COL4A1: variants seen among roughly 807,000 people sequenced by gnomAD.
The protein encoded by COL4A1 is collagen type IV alpha 1 chain, also known as collagen alpha-1(IV) chain.
COL4A1 carries 40 observed loss-of-function variants against 216.6 expected under a neutral mutation model. That is an observed-to-expected ratio of 0.18 (90% CI 0.14 to 0.24). The LOEUF (loss-of-function observed/expected upper bound fraction) is 0.24, where lower values mean the gene tolerates loss of function less well. Ranked by LOEUF, COL4A1 falls within the 10% of genes least tolerant of loss-of-function variation. The pLI is 1.00. For missense variants in COL4A1, 1,628 were observed against 2,196.8 expected, an observed-to-expected ratio of 0.74 and a Z score of 5.18; for synonymous variants, 839 against 810.7, an observed-to-expected ratio of 1.03 and a Z score of -0.59.
In COL4A1 at chr13:110,176,788, C is replaced by T. The variant is rs566376897; in HGVS notation, c.2870-64G>A. 3.4e-5 allele frequency: 55 copies of T among 1,613,830 alleles called. No individual in the cohort carries two copies. The African/African-American group carries it at 4.9e-4, about 14-fold the overall frequency. On this transcript the variant is annotated intron_variant, in intron 34 of 51. Transcript: ENST00000375820. ...GCTTGCAAGCAAGTTGCTGCAGAAA[C>T]GCAGGTTGGTTTGGTTATTATTTAT...
At chr13:110,266,816 G>A (rs1165227093) in intron 1 of COL4A1, among the ~76,000 whole-genome samples, 3 of 152,196 alleles carry the variant, frequency 2.0e-5, no homozygotes, top group Non-Finnish European at 4.4e-5. Context: ...ATATGGAGAG[G>A]CAGTAAAACC....
intron 1 of COL4A1, among the ~76,000 whole-genome samples, chr13:110,281,510 G>T (rs1351430776): frequency 6.6e-6 from 1 of 151,914 alleles, no homozygotes; most frequent in Non-Finnish European, 1.5e-5. Flanking sequence ...GTTACCTGCT[G>T]CAATATAGAG....
intron 2 of COL4A1, among the ~76,000 whole-genome samples, chr13:110,242,297 G>T (rs76166940): frequency 0.036 from 5,489 of 152,288 alleles, 150 homozygotes; most frequent in African/African-American, 0.071. Flanking sequence ...CTAATTTGAA[G>T]AGAAGGTCCT....
intron 1 of COL4A1, among the ~76,000 whole-genome samples, chr13:110,291,956 C>T (rs1884106659): frequency 6.6e-6 from 1 of 152,162 alleles, no homozygotes; most frequent in South Asian, 2.1e-4. Flanking sequence ...GAGAAAGAAA[C>T]CAAAATGCAG....
At chr13:110,224,468 G>A (rs377190502) in intron 2 of COL4A1, among the ~76,000 whole-genome samples, 5 of 152,204 alleles carry the variant, frequency 3.3e-5, no homozygotes, top group Admixed American at 6.5e-5. Context: ...GATTACAGAC[G>A]TGCACCATCA....
rs761138416 is a variant in COL4A1 at position 110,192,298 on chromosome 13, G to A, written c.1466-14C>T. 6.2e-7 allele frequency: 1 copy of A among 1,613,504 alleles called. No homozygotes were observed. The highest frequency in any genetic ancestry group is 8.5e-7 in the Non-Finnish European group (1 of 1,179,442). On this transcript the variant is annotated splice_polypyrimidine_tract_variant and intron_variant, in intron 23 of 51. Coordinates refer to ENST00000375820, the MANE Select transcript of COL4A1 (RefSeq NM_001845.6). Reference sequence around the variant, plus strand: ...GCCCTGGGAAACCTTTCGTGAGAGAGAGGGAAAAAGACAGCAACACAGCAT... The same window carrying A: ...GCCCTGGGAAACCTTTCGTGAGAGAAAGGGAAAAAGACAGCAACACAGCAT...
chr13:110,212,772 G>GCA lies in COL4A1; in HGVS notation c.280-156_280-155dup, dbSNP rs113274692. 0.046 allele frequency among the ~76,000 whole-genome samples: 7,053 copies of GCA among 152,184 alleles called. 336 individuals are homozygous for GCA. Among genetic ancestry groups the GCA allele is most frequent in the African/African-American group, 0.12 (4,891 of 41,494 alleles). The stretch of plus-strand genomic sequence containing the variant: ...CACTCTGCACAAGAGGCAGCAGAGG[G>GCA]CACAGCCTAGGGCAGATGGCCCAGG... On this transcript the variant is annotated intron_variant, in intron 4 of 51. Transcript: ENST00000375820.
intron 1 of COL4A1, among the ~76,000 whole-genome samples, chr13:110,254,149 C>T (rs2139267204): frequency 6.6e-6 from 1 of 152,258 alleles, no homozygotes; most frequent in Non-Finnish European, 1.5e-5. Context: ...CACTTAGCTC[C>T]TAACAGAGGA....
intron 45 of COL4A1, 95 bp downstream of exon 45, chr13:110,166,137 T>A (rs1877323542): frequency 1.2e-6 from 1 of 805,752 alleles, no homozygotes; most frequent in Admixed American, 1.7e-5. Context: ...TCATTTCACA[T>A]ATGAAAAACC....
intron 45 of COL4A1, among the ~76,000 whole-genome samples, chr13:110,165,456 G>C (rs1181130144): frequency 2.6e-5 from 4 of 152,026 alleles, no homozygotes; most frequent in Admixed American, 2.6e-4. Context: ...TCCTTCTTCT[G>C]CATGGCAAGT....
intron 1 of COL4A1, among the ~76,000 whole-genome samples, chr13:110,257,420 CA>C (rs1190035570): frequency 3.3e-5 from 5 of 152,140 alleles, no homozygotes; most frequent in Non-Finnish European, 7.4e-5. Context: ...GCTGGTAAAC[CA>C]AAAATGCTAC....
chr13:110,163,429 C>A, intron 47 of COL4A1, 34 bp downstream of exon 47: 1 of 1,595,176 alleles, frequency 6.3e-7, no homozygotes, highest in South Asian at 1.1e-5. Context: ...AGATCCTGGT[C>A]AAGGGTAATT....
intron 45 of COL4A1, among the ~76,000 whole-genome samples, chr13:110,165,295 G>C (rs137966974): frequency 2.3e-3 from 345 of 152,180 alleles, no homozygotes; most frequent in African/African-American, 8.1e-3. Context: ...CCTCCCAGCA[G>C]GGAGAGAAGC....
chr13:110,197,829 T>C (rs906076433), intron 21 of COL4A1, among the ~76,000 whole-genome samples: 1 of 152,094 alleles, frequency 6.6e-6, no homozygotes, highest in African/African-American at 2.4e-5. Context: ...AGAGCACACG[T>C]TGGTTTTGAT....
intron 43 of COL4A1, among the ~76,000 whole-genome samples, chr13:110,167,484 G>T (rs573954491): frequency 6.6e-6 from 1 of 152,100 alleles, no homozygotes; most frequent in Non-Finnish European, 1.5e-5. Flanking sequence ...CAGGGGAAGC[G>T]CCTGAGGAGC....
In COL4A1 at chr13:110,172,767, A is replaced by G. The variant is rs754442782; in HGVS notation, c.3509T>C (p.Leu1170Pro). The change falls in exon 41 of 52, where the codon CTA becomes CCA. Residue 1170 changes from leucine (L) to proline (P), a missense_variant. Physicochemically the swap from Leu to Pro is moderately conservative, Grantham distance 98. Around this residue, in one of 8 missense-constraint regions of COL4A1, gnomAD observed 345 missense variants for 476.9 expected, o/e 0.72. Transcript: ENST00000375820. ...GSAGEKGEPG[L>P]PGRGFPGFPG... Reference sequence around the variant, plus strand: ...AAACCCTGGGAATCCTCTTCCTGGTAGACCTATAAGATGAGGGTAAAATGC... The same window carrying G: ...AAACCCTGGGAATCCTCTTCCTGGTGGACCTATAAGATGAGGGTAAAATGC... 7 of 1,613,826 alleles carry G rather than the reference A, an allele frequency of 4.3e-6. No homozygotes were observed. The Admixed American group carries it at 1.2e-4, about 27-fold the overall frequency.
chr13:110,197,405 C>A (rs918433514), intron 21 of COL4A1, among the ~76,000 whole-genome samples: 2 of 152,162 alleles, frequency 1.3e-5, no homozygotes, highest in Non-Finnish European at 2.9e-5. Flanking sequence ...CTCCCTTCCC[C>A]GCTGAATGAA....
chr13:110,189,361 C>A (rs1487971152), intron 24 of COL4A1, among the ~76,000 whole-genome samples: 1 of 152,252 alleles, frequency 6.6e-6, no homozygotes, highest in East Asian at 1.9e-4. Flanking sequence ...CCGTACCCAG[C>A]AGTGACTGCA....
chr13:110,167,084 G>T, intron 44 of COL4A1, 74 bp downstream of exon 44: 1 of 1,214,530 alleles, frequency 8.2e-7, no homozygotes, highest in Non-Finnish European at 1.2e-6. Context: ...GTGCTAAGGT[G>T]CCCGAGGTTA....
Sources: allele counts gnomAD v4.1 joint callset (sites outside exome capture counted in the v4.1 genomes callset), GRCh38; gene constraint gnomAD v4.1.1; regional missense constraint gnomAD v4.1.1; transcripts MANE v1.5; gene names NCBI Gene and HGNC (gene_info 2026-07-23, HGNC 2026-07-21).